The following PARD3 variants were observed in gnomAD, a reference collection of about 807,000 sequenced individuals.
The protein encoded by PARD3 is partitioning defective 3 homolog.
PARD3 carries 75 observed loss-of-function variants against 155.4 expected under a neutral mutation model. The observed-to-expected ratio is 0.48, with a 90% CI of 0.40 to 0.58. The LOEUF (loss-of-function observed/expected upper bound fraction) is 0.58. Ranked by LOEUF, PARD3 falls within the 20% of genes least tolerant of loss-of-function variation. PARD3 has a pLI of 0.00. For synonymous variants in PARD3, 576 were observed against 610.5 expected, an observed-to-expected ratio of 0.94 and a Z score of 0.83; for missense variants, 1,642 against 1,721.7, an observed-to-expected ratio of 0.95 and a Z score of 0.82.
intron 22 of PARD3, among the ~76,000 whole-genome samples, chr10:34,242,896 T>C (rs1396583270): frequency 3.3e-5 from 5 of 152,086 alleles, no homozygotes; most frequent in Non-Finnish European, 5.9e-5. Flanking sequence ...GATCACACTA[T>C]TGCACTCCAA....
intron 1 of PARD3, among the ~76,000 whole-genome samples, chr10:34,737,549 T>C (rs1341035893): frequency 1.3e-5 from 2 of 152,236 alleles, no homozygotes; most frequent in Admixed American, 6.5e-5. Context: ...TGAACATTTG[T>C]GTCCCCTCCA....
intron 1 of PARD3, among the ~76,000 whole-genome samples, chr10:34,698,768 C>A (rs1042030767): frequency 6.6e-6 from 1 of 152,216 alleles, no homozygotes; most frequent in Non-Finnish European, 1.5e-5. Flanking sequence ...AGGTGTCAAG[C>A]GTGAGCCTTT....
chr10:34,753,636 T>A (rs1380089640), intron 1 of PARD3, among the ~76,000 whole-genome samples: 1 of 152,212 alleles, frequency 6.6e-6, no homozygotes, highest in Non-Finnish European at 1.5e-5. Flanking sequence ...ATCCTCCCAG[T>A]AGCCCATCCC....
At chr10:34,756,263 C>T (rs973333185) in intron 1 of PARD3, among the ~76,000 whole-genome samples, 2 of 148,344 alleles carry the variant, frequency 1.3e-5, no homozygotes, top group Non-Finnish European at 3.0e-5. Context: ...ACGCCATTCT[C>T]CTGCCTCAGC....
At chr10:34,240,873 G>A (rs1014822168) in intron 22 of PARD3, among the ~76,000 whole-genome samples, 4 of 152,040 alleles carry the variant, frequency 2.6e-5, no homozygotes, top group African/African-American at 9.7e-5. Flanking sequence ...CTGCCTGAGC[G>A]TGCACCACCA....
rs570988107 is a variant in PARD3, at chr10:34,264,379, T to C, written c.3419+5278A>G. ...ATGAGCTTATCAGGACCGAACACCA[T>C]TGAAAGTTGAGAAGCATCTGTATTC... On this transcript the variant is annotated intron_variant, in intron 22 of 24. Coordinates refer to ENST00000374788, the MANE Select transcript of PARD3 (RefSeq NM_001184785.2). 7.9e-5 allele frequency among the ~76,000 whole-genome samples: 12 copies of C among 152,324 alleles called. No individual in the cohort carries two copies. In the East Asian group the frequency reaches 2.1e-3, roughly 27 times the overall value.
In PARD3 at chr10:34,776,833, T is replaced by TTTTGGGGG. The variant is rs1564608800; in HGVS notation, c.120+38042_120+38043insCCCCCAAA. On this transcript the variant is annotated intron_variant, in intron 1 of 24. Coordinates refer to ENST00000374788, the MANE Select transcript of PARD3 (RefSeq NM_001184785.2). ...CCAAGTATTTTCAGTCGTGTTTTTT[T>TTTTGGGGG]GTGGGGGGGGGGGGCGGGTGGGGGA... Among the ~76,000 whole-genome samples the TTTTGGGGG allele has an allele frequency of 1.4e-3, 14 of 9,908 alleles. 1 individual carries two copies. The highest frequency in any genetic ancestry group is 4.0e-3 in the African/African-American group (14 of 3,484). 6.5% of individuals were successfully genotyped at this position (9,908 alleles called of 152,430 possible). A position where few individuals can be genotyped will look rare whatever the true frequency, so the allele number is the denominator to read the frequency against.
chr10:34,553,838 T>A (rs2084786337), intron 2 of PARD3, among the ~76,000 whole-genome samples: 1 of 152,210 alleles, frequency 6.6e-6, no homozygotes, highest in Non-Finnish European at 1.5e-5. Flanking sequence ...CTAAAAAGGA[T>A]GCTTTGGAAT....
At chr10:34,609,600 G>C (rs2090732433) in intron 2 of PARD3, among the ~76,000 whole-genome samples, 1 of 152,108 alleles carries the variant, frequency 6.6e-6, no homozygotes, top group Non-Finnish European at 1.5e-5. Flanking sequence ...TGGAGTGCAG[G>C]GGCACAATCA....
chr10:34,125,474 C>T (rs1263607387), intron 23 of PARD3, among the ~76,000 whole-genome samples: 4 of 152,040 alleles, frequency 2.6e-5, no homozygotes, highest in Non-Finnish European at 5.9e-5. Flanking sequence ...GCATGGAGGC[C>T]GCTAGGAGAA....
chr10:34,480,798 T>C (rs531429075), intron 3 of PARD3, among the ~76,000 whole-genome samples: 30 of 148,556 alleles, frequency 2.0e-4, no homozygotes, highest in South Asian at 1.7e-3. Flanking sequence ...CTTTTTCTTT[T>C]TTTTTTTTTT....
intron 22 of PARD3, among the ~76,000 whole-genome samples, chr10:34,148,688 ATTTATACGATAC>A (rs1207390473): frequency 6.6e-6 from 1 of 152,132 alleles, no homozygotes; most frequent in East Asian, 1.9e-4. Flanking sequence ...ATAGAGATAA[ATTTATACGATAC>A]TTAATATTTG....
At chr10:34,596,804 CAG>C (rs2089306112) in intron 2 of PARD3, among the ~76,000 whole-genome samples, 2 of 152,130 alleles carry the variant, frequency 1.3e-5, no homozygotes, top group South Asian at 4.1e-4. Flanking sequence ...GCAGCAATCT[CAG>C]AGAGTGGCAG....
intron 22 of PARD3, among the ~76,000 whole-genome samples, chr10:34,269,029 T>C (rs1470897914): frequency 6.6e-6 from 1 of 152,204 alleles, no homozygotes; most frequent in Non-Finnish European, 1.5e-5. Flanking sequence ...TTACACATTC[T>C]ATGCATGTAA....
chr10:34,583,667 A>C (rs1011653205), intron 2 of PARD3, among the ~76,000 whole-genome samples: 3 of 152,206 alleles, frequency 2.0e-5, no homozygotes, highest in African/African-American at 7.2e-5. Flanking sequence ...AGGAAACCTT[A>C]TCTTCCAGAG....
In PARD3 at chr10:34,367,547, T is replaced by C. The variant is rs553865005; in HGVS notation, c.1707+4951A>G. ...GGTGAAACCCCGTCTCTACTAAAAATACAAAAATTAGCTGTGTGTGTTGGC... is the reference window on the plus strand; with the variant it reads ...GGTGAAACCCCGTCTCTACTAAAAACACAAAAATTAGCTGTGTGTGTTGGC... On this transcript the variant is annotated intron_variant, in intron 12 of 24. Coordinates refer to ENST00000374788, the MANE Select transcript of PARD3 (RefSeq NM_001184785.2). Among the ~76,000 whole-genome samples the C allele has an allele frequency of 2.0e-5, 3 of 151,956 alleles. No individual in the cohort carries two copies. In the South Asian group the frequency reaches 6.2e-4, roughly 32 times the overall value.
At chr10:34,649,231 C>G (rs1451744821) in intron 2 of PARD3, among the ~76,000 whole-genome samples, 1 of 152,164 alleles carries the variant, frequency 6.6e-6, no homozygotes, top group Non-Finnish European at 1.5e-5. Context: ...ATTATTTGAG[C>G]TCAGGAGTTT....
intron 2 of PARD3, among the ~76,000 whole-genome samples, chr10:34,650,816 A>C (rs1307374103): frequency 6.6e-6 from 1 of 152,128 alleles, no homozygotes; most frequent in Non-Finnish European, 1.5e-5. Flanking sequence ...GTTCAAGACC[A>C]GCCTGACCAA....
intron 22 of PARD3, among the ~76,000 whole-genome samples, chr10:34,246,535 T>C (rs988127664): frequency 6.6e-6 from 1 of 152,110 alleles, no homozygotes; most frequent in South Asian, 2.1e-4. Flanking sequence ...TCAGCATCTT[T>C]AGACAGATGA....
Sources: gnomAD v4.1 joint callset for allele counts (sites outside exome capture counted in the v4.1 genomes callset) on GRCh38, gnomAD v4.1.1 for gene constraint, MANE v1.5 for transcripts, NCBI Gene and HGNC (gene_info 2026-07-23, HGNC 2026-07-21) for gene names.